The following SLC4A5 variants were observed in gnomAD, a reference collection of about 807,000 sequenced individuals.
SLC4A5 encodes the protein solute carrier family 4 member 5, also known as electrogenic sodium bicarbonate cotransporter 4.
In SLC4A5, 96 loss-of-function variants were observed where a neutral mutation model predicts 120.4. The observed-to-expected ratio is 0.80, with a 90% CI of 0.68 to 0.94. The LOEUF (loss-of-function observed/expected upper bound fraction) is 0.94, where lower values mean the gene tolerates loss of function less well. SLC4A5 is among the 40% of genes least tolerant of loss of function. The probability of loss-of-function intolerance (pLI) is 0.00; values close to 1 mark genes in which losing one functional copy is unlikely to be tolerated. For missense variants in SLC4A5, 1,259 were observed against 1,459.5 expected, an observed-to-expected ratio of 0.86 and a Z score of 2.24; for synonymous variants, 550 against 571.1, an observed-to-expected ratio of 0.96 and a Z score of 0.53.
At chr2:74,271,919 C>CA (rs1289037737) in intron 8 of SLC4A5, among the ~76,000 whole-genome samples, 1 of 151,758 alleles carries the variant, frequency 6.6e-6, no homozygotes, top group Non-Finnish European at 1.5e-5. Flanking sequence ...CTCCACTATA[C>CA]AAAAAATAAA....
At chr2:74,265,323 G>A (rs930796836) in intron 8 of SLC4A5, 59 bp from the exon 9 acceptor site, 1 of 1,575,724 alleles carries the variant, frequency 6.3e-7, no homozygotes, top group Non-Finnish European at 8.6e-7. Flanking sequence ...GGCCTCACCT[G>A]GGTCTCCCCA....
chr2:74,227,622 A>C, intron 26 of SLC4A5, 188 bp downstream of exon 26: 1 of 1,375,756 alleles, frequency 7.3e-7, no homozygotes. Context: ...GAGGCCTATG[A>C]AGTGCCTAAC....
chr2:74,257,202 C>T (rs1670995309), intron 12 of SLC4A5, among the ~76,000 whole-genome samples: 1 of 151,734 alleles, frequency 6.6e-6, no homozygotes, highest in South Asian at 2.1e-4. Context: ...AGGAGGGGCT[C>T]GTGAGCAATG....
intron 21 of SLC4A5, among the ~76,000 whole-genome samples, chr2:74,237,821 G>A (rs1443734679): frequency 1.3e-5 from 2 of 152,174 alleles, no homozygotes; most frequent in Admixed American, 1.3e-4. Flanking sequence ...AGCAGTTAGG[G>A]CTGGGTGCGG....
At chr2:74,333,742 G>A (rs1486718066) in intron 4 of SLC4A5, among the ~76,000 whole-genome samples, 5 of 152,158 alleles carry the variant, frequency 3.3e-5, no homozygotes, top group African/African-American at 1.2e-4. Context: ...CAGATACCTG[G>A]TGGACAGTGA....
rs763114313 is a variant in SLC4A5 at position 74,304,488 on chromosome 2, C to T, written c.271+1G>A. The T allele has an allele frequency of 4.7e-5, 75 of 1,607,346 alleles. No homozygotes were observed. Among genetic ancestry groups the T allele is most frequent in the Admixed American group, 6.7e-5 (4 of 59,340 alleles). On this transcript the variant is annotated splice_donor_variant, in intron 7 of 30. Transcript: ENST00000394019. LOFTEE classifies it high-confidence loss of function. ...CAGAATGTACCCCTCAAGGAACTCA[C>T]GAGTCCTGCTGATAAGATCCATGCT...
Position 74,235,018 on chromosome 2 carries a change from G to C in SLC4A5, c.2433+83C>G, listed in dbSNP as rs917188505. 4.8e-5 allele frequency: 52 copies of C among 1,089,362 alleles called. No individual in the cohort carries two copies. The East Asian group carries it at 1.2e-3, about 26-fold the overall frequency. The allele number at this position is 1,089,362 out of a possible 1,614,324, so 67.5% of individuals were successfully genotyped here. ...TGGTCTCTTGGCCAAGAGGAGAAGAGAGTTTGATCAGCACAGAGGGGAAAG... is the reference window on the plus strand; with the variant it reads ...TGGTCTCTTGGCCAAGAGGAGAAGACAGTTTGATCAGCACAGAGGGGAAAG... On this transcript the variant is annotated intron_variant, in intron 22 of 30. Coordinates refer to ENST00000394019, the Ensembl canonical transcript of SLC4A5.
intron 5 of SLC4A5, among the ~76,000 whole-genome samples, chr2:74,321,991 C>G (rs190715996): frequency 6.6e-6 from 1 of 151,984 alleles, no homozygotes; most frequent in Non-Finnish European, 1.5e-5. Context: ...TTGGAATGCA[C>G]AGTTTGTCCT....
chr2:74,304,139 G>A (rs1188202148), intron 7 of SLC4A5, among the ~76,000 whole-genome samples: 2 of 152,148 alleles, frequency 1.3e-5, no homozygotes, highest in Non-Finnish European at 2.9e-5. Flanking sequence ...GTGAGCCACC[G>A]CGCCCGGCCG....
chr2:74,265,161 G>C (rs1461285885), exon 9 of SLC4A5: 2 of 1,614,260 alleles, frequency 1.2e-6, no homozygotes, highest in Admixed American at 3.3e-5. Flanking sequence ...CCCGTCTGCA[G>C]GCAGGTACGG....
chr2:74,305,083 C>A (rs544687677), intron 6 of SLC4A5, among the ~76,000 whole-genome samples: 1 of 152,170 alleles, frequency 6.6e-6, no homozygotes, highest in Admixed American at 6.6e-5. Context: ...CTACTGAGAG[C>A]CATTTTTACT....
chr2:74,254,724 G>A lies in SLC4A5; in HGVS notation c.1026-18C>T, dbSNP rs755155318. On this transcript the variant is annotated intron_variant, in intron 13 of 30. Transcript: ENST00000394019. ...ACAGAAATCTGCAAAGAAGATGGAG[G>A]AGGAGACAGAGAAGATTAAGGAAGA... is the stretch of plus-strand genomic sequence containing the variant. 6 of 1,557,086 alleles carry A rather than the reference G, an allele frequency of 3.9e-6. No individual in the cohort carries two copies. Among genetic ancestry groups the A allele is most frequent in the Non-Finnish European group, 5.3e-6 (6 of 1,128,628 alleles).
At chr2:74,334,640 A>G (rs1673439775) in intron 3 of SLC4A5, among the ~76,000 whole-genome samples, 1 of 152,006 alleles carries the variant, frequency 6.6e-6, no homozygotes, top group Non-Finnish European at 1.5e-5. Flanking sequence ...TGTCTTATTC[A>G]CTGATGTATC....
At chr2:74,271,782 T>C (rs10169443) in intron 8 of SLC4A5, among the ~76,000 whole-genome samples, 58,965 of 151,274 alleles carry the variant, frequency 0.39, 17,742 homozygotes, top group African/African-American at 0.82. Flanking sequence ...AGCTTAAAAC[T>C]CATTTTGTTT....
At chr2:74,235,062 A>C in intron 22 of SLC4A5, 39 bp downstream of exon 22, 1 of 1,488,546 alleles carries the variant, frequency 6.7e-7, no homozygotes, top group Non-Finnish European at 9.4e-7. Context: ...GCTGGTAGGC[A>C]GGCAGACTGG....
At chr2:74,342,076 G>C (rs554312994) in intron 2 of SLC4A5, among the ~76,000 whole-genome samples, 38 of 152,276 alleles carry the variant, frequency 2.5e-4, no homozygotes, top group Admixed American at 2.4e-3. Context: ...TCTTAAGATA[G>C]GGAAGTAGAT....
At position 74,235,221 on chromosome 2, in the gene SLC4A5, A is replaced by G. The variant is rs770292901; in HGVS notation, c.2320-7T>C. 6.2e-7 allele frequency: 1 copy of G among 1,610,722 alleles called. No homozygotes were observed. Among genetic ancestry groups the G allele is most frequent in the Admixed American group, 1.7e-5 (1 of 59,834 alleles). On this transcript the variant is annotated splice_region_variant and splice_polypyrimidine_tract_variant and intron_variant, in intron 21 of 30. Coordinates refer to ENST00000394019, the Ensembl canonical transcript of SLC4A5. ...CAGCCACCAGGGCCCGGACCTGCAG[A>G]CAGGAGATGAGCAAGTAAAAGAAGT...
intron 24 of SLC4A5, among the ~76,000 whole-genome samples, chr2:74,232,171 C>T (rs987711752): frequency 9.9e-5 from 15 of 152,110 alleles, no homozygotes; most frequent in African/African-American, 2.4e-4. Flanking sequence ...CAGGACAGCA[C>T]GAAGCCTTGT....
chr2:74,290,256 A>G (rs1043964928), intron 7 of SLC4A5: 19 of 985,414 alleles, frequency 1.9e-5, no homozygotes, highest in Non-Finnish European at 2.3e-5. Context: ...GCTCCCTGGA[A>G]CAGCTGAGCG....
Sources: gnomAD v4.1 joint callset for allele counts (sites outside exome capture counted in the v4.1 genomes callset) on GRCh38, gnomAD v4.1.1 for gene constraint, MANE v1.5 for transcripts, NCBI Gene and HGNC (gene_info 2026-07-23, HGNC 2026-07-21) for gene names.